BNC2: variants seen among roughly 807,000 people sequenced by gnomAD.
The protein encoded by BNC2 is basonuclin zinc finger protein 2.
A neutral mutation model predicts 76.3 loss-of-function variants in BNC2; 20 were observed. That is an observed-to-expected ratio of 0.26 (90% CI 0.18 to 0.38). The LOEUF is 0.38. Among genes scored for constraint, BNC2 ranks in the 10% least tolerant of loss-of-function variants. The pLI, the probability that BNC2 is intolerant of heterozygous loss-of-function variation, is 1.00. For missense variants in BNC2, 1,382 were observed against 1,399.8 expected (o/e 0.99, Z 0.20); for synonymous variants, 582 against 514.8 (o/e 1.13, Z -1.77).
At position 16,793,865 on chromosome 9, in the gene BNC2, TTTG is replaced by T. The variant is rs1481960142; in HGVS notation, c.4-55383_4-55381del. On this transcript the variant is annotated intron_variant, in intron 1 of 6. Coordinates refer to ENST00000380672, the MANE Select transcript of BNC2 (RefSeq NM_017637.6). ...TTTTGTTTTTTGTGGTTTTTGTTTTTTTGTTTTTTTTTTTTTTTAGTAGAGACG... is the reference window on the plus strand; with the variant it reads ...TTTTGTTTTTTGTGGTTTTTGTTTTTTTTTTTTTTTTTTTTAGTAGAGACG... 4.7e-3 allele frequency among the ~76,000 whole-genome samples: 593 copies of T among 126,480 alleles called. 18 individuals are homozygous for T. The highest frequency in any genetic ancestry group is 0.015 in the African/African-American group (472 of 32,050). The allele number at this position is 126,480 out of a possible 152,430, so 83.0% of individuals were successfully genotyped here.
At chr9:16,580,613 G>C (rs538938278) in intron 4 of BNC2, among the ~76,000 whole-genome samples, 1 of 152,104 alleles carries the variant, frequency 6.6e-6, no homozygotes, top group Admixed American at 6.6e-5. Flanking sequence ...CATTACTAAT[G>C]TAATATGCAC....
chr9:16,437,592 A>G (rs905743083), intron 5 of BNC2, 68 bp from the exon 6 acceptor site: 18 of 1,549,594 alleles, frequency 1.2e-5, no homozygotes, highest in East Asian at 2.3e-5. Flanking sequence ...TAATTATTCA[A>G]TGCAACTGAA....
chr9:16,780,353 C>G (rs1399258763), intron 1 of BNC2, among the ~76,000 whole-genome samples: 9 of 151,502 alleles, frequency 5.9e-5, no homozygotes, highest in African/African-American at 2.2e-4. Flanking sequence ...GCTGGCAGAT[C>G]ATGAGGTCAG....
At chr9:16,790,154 G>A (rs150323441) in intron 1 of BNC2, among the ~76,000 whole-genome samples, 2,631 of 152,230 alleles carry the variant, frequency 0.017, 86 homozygotes, top group African/African-American at 0.06. Flanking sequence ...CCGCCACCAT[G>A]CCTGGCTAAT....
intron 3 of BNC2, among the ~76,000 whole-genome samples, chr9:16,675,752 T>C (rs1822619317): frequency 6.6e-6 from 1 of 152,198 alleles, no homozygotes; most frequent in Non-Finnish European, 1.5e-5. Context: ...TGTAAAGATA[T>C]TAGGTTACAT....
At chr9:16,483,032 C>T (rs534568434) in intron 5 of BNC2, among the ~76,000 whole-genome samples, 8 of 152,138 alleles carry the variant, frequency 5.3e-5, no homozygotes, top group Non-Finnish European at 1.2e-4. Flanking sequence ...CATCCAACAG[C>T]ATGTAAAACA....
chr9:16,574,540 G>A (rs1024752536), intron 4 of BNC2, among the ~76,000 whole-genome samples: 11 of 152,012 alleles, frequency 7.2e-5, no homozygotes, highest in Non-Finnish European at 1.6e-4. Flanking sequence ...ATTTGCTTGG[G>A]AAAACAATTT....
intron 5 of BNC2, among the ~76,000 whole-genome samples, chr9:16,524,828 C>T (rs1365831078): frequency 6.6e-6 from 1 of 152,148 alleles, no homozygotes; most frequent in African/African-American, 2.4e-5. Context: ...AATCCCAGCA[C>T]TTTGGGAGGC....
At chr9:16,677,282 AAC>A (rs1166652613) in intron 3 of BNC2, among the ~76,000 whole-genome samples, 13 of 152,152 alleles carry the variant, frequency 8.5e-5, no homozygotes, top group Admixed American at 8.5e-4. Flanking sequence ...TAAAGATAAA[AAC>A]ACACATGGCC....
intron 3 of BNC2, among the ~76,000 whole-genome samples, chr9:16,682,212 T>C (rs1324443651): frequency 2.6e-5 from 4 of 151,280 alleles, no homozygotes; most frequent in African/African-American, 9.8e-5. Flanking sequence ...TCATTGTGAG[T>C]TCATAAACAT....
intron 5 of BNC2, among the ~76,000 whole-genome samples, chr9:16,439,171 G>C (rs868841204): frequency 3.3e-5 from 5 of 152,144 alleles, no homozygotes; most frequent in African/African-American, 7.2e-5. Context: ...GTGGAATTAT[G>C]AGTCCATTAA....
intron 1 of BNC2, among the ~76,000 whole-genome samples, chr9:16,776,170 G>A (rs145470613): frequency 2.0e-4 from 31 of 151,258 alleles, no homozygotes; most frequent in Non-Finnish European, 4.3e-4. Flanking sequence ...AGGGAGTTTC[G>A]CTCTTGTCGC....
rs1012879410 is a variant in BNC2 at position 16,870,629 on chromosome 9, G to A, written c.3+17C>T. The A allele has an allele frequency of 2.5e-6, 4 of 1,610,754 alleles. No individual in the cohort carries two copies. The highest frequency in any genetic ancestry group is 3.4e-6 in the Non-Finnish European group (4 of 1,178,432). ...GAAGTCTAGAATAAAAGAGGAAGGA[G>A]GGTGGAAACTTCTTACCATCTCGGC... On this transcript the variant is annotated intron_variant, in intron 1 of 6. Coordinates refer to ENST00000380672, the MANE Select transcript of BNC2 (RefSeq NM_017637.6).
chr9:16,665,420 G>A (rs929459075), intron 3 of BNC2, among the ~76,000 whole-genome samples: 6,638 of 97,126 alleles, frequency 0.068, 478 homozygotes, highest in East Asian at 0.31. Context: ...GAAAAGAAAG[G>A]AAAGAAAGGA....
intron 5 of BNC2, among the ~76,000 whole-genome samples, chr9:16,446,709 TATAATTC>T (rs1821238909): frequency 6.6e-6 from 1 of 152,166 alleles, no homozygotes; most frequent in East Asian, 1.9e-4. Context: ...GATAAGAATG[TATAATTC>T]ATAGAGTACT....
At chr9:16,762,449 C>A (rs956560110) in intron 1 of BNC2, among the ~76,000 whole-genome samples, 1 of 152,032 alleles carries the variant, frequency 6.6e-6, no homozygotes, top group Non-Finnish European at 1.5e-5. Context: ...GAATCAAAGC[C>A]CACAATCCAC....
intron 5 of BNC2, among the ~76,000 whole-genome samples, chr9:16,451,608 T>A (rs1357128068): frequency 6.6e-6 from 1 of 152,108 alleles, no homozygotes; most frequent in Admixed American, 6.6e-5. Context: ...CACTACAAAA[T>A]CTCACCTACC....
chr9:16,542,322 T>C (rs1818347746), intron 5 of BNC2, among the ~76,000 whole-genome samples: 1 of 151,982 alleles, frequency 6.6e-6, no homozygotes, highest in African/African-American at 2.4e-5. Context: ...TGATCTACTA[T>C]AGCCATGCAA....
At chr9:16,726,478 GTTT>G (rs139722544) in intron 3 of BNC2, among the ~76,000 whole-genome samples, 16 of 132,166 alleles carry the variant, frequency 1.2e-4, no homozygotes, top group Non-Finnish European at 1.8e-4. Flanking sequence ...CTGGCAAATT[GTTT>G]TTTTTTTATT....
Sources: allele counts gnomAD v4.1 joint callset (sites outside exome capture counted in the v4.1 genomes callset), GRCh38; gene constraint gnomAD v4.1.1; transcripts MANE v1.5; gene names NCBI Gene and HGNC (gene_info 2026-07-23, HGNC 2026-07-21).